The following MKLN1 variants were observed in gnomAD, a reference collection of about 807,000 sequenced individuals.
MKLN1 encodes the protein muskelin.
In MKLN1, 18 loss-of-function variants were observed where a neutral mutation model predicts 99.0. The observed-to-expected ratio is 0.18, with a 90% CI of 0.13 to 0.27. The LOEUF (loss-of-function observed/expected upper bound fraction) is 0.27. Ranked by LOEUF, MKLN1 falls within the 10% of genes least tolerant of loss-of-function variation. MKLN1 has a pLI of 1.00. For synonymous variants in MKLN1, 288 were observed against 293.2 expected (o/e 0.98, Z 0.18); for missense variants, 621 against 875.9 (o/e 0.71, Z 3.67).
intron 3 of MKLN1, among the ~76,000 whole-genome samples, chr7:131,221,218 G>A (rs1797054925): frequency 1.3e-5 from 2 of 152,192 alleles, no homozygotes. Flanking sequence ...GCCTGGAAAG[G>A]GCCTGCGGGG....
chr7:131,391,329 A>G (rs558542516), intron 4 of MKLN1, among the ~76,000 whole-genome samples: 2 of 152,338 alleles, frequency 1.3e-5, no homozygotes, highest in African/African-American at 2.4e-5. Flanking sequence ...TATTTAAAAA[A>G]CAAGTTAATG....
At chr7:131,140,785 T>TG (rs1392324122) in intron 1 of MKLN1, among the ~76,000 whole-genome samples, 1 of 151,564 alleles carries the variant, frequency 6.6e-6, no homozygotes, top group Non-Finnish European at 1.5e-5. Context: ...TTTTTTTTTT[T>TG]GTTTTGTTTT....
chr7:131,215,892 T>C (rs1215098719), intron 3 of MKLN1, among the ~76,000 whole-genome samples: 1 of 152,036 alleles, frequency 6.6e-6, no homozygotes, highest in Non-Finnish European at 1.5e-5. Context: ...GCCAGTTTGT[T>C]TGGGGGGGAT....
chr7:131,221,173 T>C (rs1797054113), intron 3 of MKLN1, among the ~76,000 whole-genome samples: 1 of 152,152 alleles, frequency 6.6e-6, no homozygotes, highest in African/African-American at 2.4e-5. Context: ...ATGGACAGGT[T>C]GAGTTGCAAC....
At chr7:131,260,899 T>C (rs1201479015) in intron 3 of MKLN1, among the ~76,000 whole-genome samples, 1 of 105,662 alleles carries the variant, frequency 9.5e-6, no homozygotes, top group Non-Finnish European at 2.3e-5. Flanking sequence ...GGGGAAAGGA[T>C]TCCCTGTTCA....
chr7:131,361,797 AT>A (rs75467228), intron 1 of MKLN1, among the ~76,000 whole-genome samples: 3 of 148,376 alleles, frequency 2.0e-5, no homozygotes, highest in Non-Finnish European at 3.0e-5. Flanking sequence ...TTCTTCTCTC[AT>A]TTTTTTTTGG....
chr7:131,398,563 G>A (rs755149909), intron 5 of MKLN1, among the ~76,000 whole-genome samples: 12 of 152,008 alleles, frequency 7.9e-5, no homozygotes, highest in Non-Finnish European at 1.6e-4. Flanking sequence ...GCGTGGTAGC[G>A]CGTGCCTGTA....
chr7:131,166,047 C>G (rs753308420), intron 2 of MKLN1, among the ~76,000 whole-genome samples: 11 of 151,724 alleles, frequency 7.3e-5, no homozygotes, highest in Admixed American at 2.6e-4. Flanking sequence ...CCTGGGAGGT[C>G]GAGGCTGCAA....
chr7:131,333,994 C>T (rs766217430), intron 1 of MKLN1, among the ~76,000 whole-genome samples: 8 of 152,100 alleles, frequency 5.3e-5, no homozygotes, highest in Non-Finnish European at 7.3e-5. Flanking sequence ...GAGACAGGTC[C>T]GTAGAGATGT....
At chr7:131,119,542 T>C (rs1249876834) in intron 1 of MKLN1, among the ~76,000 whole-genome samples, 1 of 152,228 alleles carries the variant, frequency 6.6e-6, no homozygotes, top group Non-Finnish European at 1.5e-5. Flanking sequence ...AACTCCACAT[T>C]TCCCCCCCAC....
intron 17 of MKLN1, among the ~76,000 whole-genome samples, chr7:131,486,113 G>A (rs1165141754): frequency 1.3e-5 from 2 of 151,834 alleles, no homozygotes; most frequent in African/African-American, 2.4e-5. Context: ...GAGAGAGAGA[G>A]AGAACATATT....
chr7:131,394,905 G>A (rs998153862), intron 4 of MKLN1, among the ~76,000 whole-genome samples: 1 of 151,898 alleles, frequency 6.6e-6, no homozygotes, highest in African/African-American at 2.4e-5. Context: ...TTTTTACCCA[G>A]GTGTGATTTT....
Position 131,387,222 on chromosome 7 carries a change from G to A in MKLN1, c.271G>A (p.Gly91Ser). ...CAATTTGAAGAAATTTAAAGTCTTT[G>A]GTGGAATGAATGAAGAAAATATGAC... ...VCNLKKFKVFGGMNEENMTEL... is the reference protein window; with the variant it reads ...VCNLKKFKVFSGMNEENMTEL... The change falls in exon 3 of 18, where the codon GGT becomes AGT. Residue 91 changes from glycine (G) to serine (S), a missense_variant. This residue lies in a region of MKLN1 where 361 missense variants were observed against 540.8 expected (regional missense o/e 0.67). Coordinates refer to ENST00000352689, the MANE Select transcript of MKLN1 (RefSeq NM_013255.5). 1 of 1,611,424 alleles carries A rather than the reference G, an allele frequency of 6.2e-7. No homozygotes were observed. Among genetic ancestry groups the A allele is most frequent in the Non-Finnish European group, 8.5e-7 (1 of 1,178,698 alleles).
At chr7:131,319,250 A>G (rs1455132576) in intron 3 of MKLN1, among the ~76,000 whole-genome samples, 1 of 152,202 alleles carries the variant, frequency 6.6e-6, no homozygotes, top group Non-Finnish European at 1.5e-5. Flanking sequence ...ATCCACCACA[A>G]TCAAGTTGGC....
chr7:131,441,358 T>C (rs894879689), intron 10 of MKLN1, among the ~76,000 whole-genome samples: 1 of 152,202 alleles, frequency 6.6e-6, no homozygotes, highest in Non-Finnish European at 1.5e-5. Context: ...CAATCTTGTA[T>C]TCCTGTGATG....
Position 131,443,635 on chromosome 7 carries a change from A to C in MKLN1, c.1328A>C (p.Glu443Ala). The part of the protein sequence containing the change: ...CQCQTWKLLR[E>A]DSCNAGPEDI... ...TGTCAAACCTGGAAACTTCTTCGAG[A>C]GGACTCCTGTAATGCTGGGCCTGAG... Residue 443 changes from glutamate (E) to alanine (A), a missense_variant, in exon 11 of 18, where the codon GAG becomes GCG. Around this residue, in one of 8 missense-constraint regions of MKLN1, gnomAD observed 361 missense variants for 540.8 expected, o/e 0.67. Transcript: ENST00000352689. 6.2e-7 allele frequency: 1 copy of C among 1,614,198 alleles called. No individual in the cohort carries two copies. Among genetic ancestry groups the C allele is most frequent in the Non-Finnish European group, 8.5e-7 (1 of 1,180,016 alleles).
chr7:131,375,814 A>ATTAT (rs1793628659), intron 2 of MKLN1, among the ~76,000 whole-genome samples: 3 of 151,024 alleles, frequency 2.0e-5, no homozygotes, highest in Admixed American at 2.0e-4. Context: ...GGGGAAAATA[A>ATTAT]ACTTAAATAG....
At chr7:131,214,511 C>A (rs1288902557) in intron 3 of MKLN1, among the ~76,000 whole-genome samples, 1 of 152,138 alleles carries the variant, frequency 6.6e-6, no homozygotes, top group African/African-American at 2.4e-5. Flanking sequence ...GAAACCAGCA[C>A]ACAGAGATTA....
At chr7:131,292,285 T>A (rs1402278773) in intron 3 of MKLN1, among the ~76,000 whole-genome samples, 1 of 152,112 alleles carries the variant, frequency 6.6e-6, no homozygotes. Context: ...GAGGCGAGAA[T>A]GCCAGCTAAT....
Sources: allele counts gnomAD v4.1 joint callset (sites outside exome capture counted in the v4.1 genomes callset), GRCh38; gene constraint gnomAD v4.1.1; regional missense constraint gnomAD v4.1.1; transcripts MANE v1.5; gene names NCBI Gene and HGNC (gene_info 2026-07-23, HGNC 2026-07-21).